ZNF823: variants seen among roughly 807,000 people sequenced by gnomAD.
ZNF823 encodes ZFP 36 for a zinc finger protein.
ZNF823 carries 5 observed loss-of-function variants against 11.4 expected under a neutral mutation model. That is an observed-to-expected ratio of 0.44 (90% CI 0.23 to 0.92). The LOEUF is 0.92. Among genes scored for constraint, ZNF823 ranks in the 40% least tolerant of loss-of-function variants. ZNF823 has a pLI of 0.24. For missense variants in ZNF823, 582 were observed against 738.5 expected (o/e 0.79, Z 2.46); for synonymous variants, 234 against 250.5 (o/e 0.93, Z 0.62).
chr19:11,724,555 C>CTTTTTT (rs751508496), intron 2 of ZNF823, among the ~76,000 whole-genome samples: 3 of 126,102 alleles, frequency 2.4e-5, no homozygotes, highest in African/African-American at 3.1e-5. Flanking sequence ...AGTTTCTCAT[C>CTTTTTT]TTTTTTTTTT....
Position 11,728,586 on chromosome 19 carries a change from A to T in ZNF823, c.4-3259T>A, listed in dbSNP as rs144711107. ...CCCAAAGCCAGTATAGCATTATTTG[A>T]AACTGAAGGTCCATTAGTTATAAAT... On this transcript the variant is annotated intron_variant, in intron 1 of 3. Coordinates refer to ENST00000341191, the MANE Select transcript of ZNF823 (RefSeq NM_001080493.4). Among the ~76,000 whole-genome samples, 868 of 152,328 alleles carry T rather than the reference A, an allele frequency of 5.7e-3. 13 individuals carry two copies. The highest frequency in any genetic ancestry group is 0.019 in the African/African-American group (810 of 41,574).
intron 1 of ZNF823, among the ~76,000 whole-genome samples, chr19:11,732,947 T>A (rs1974928894): frequency 6.6e-6 from 1 of 152,230 alleles, no homozygotes; most frequent in Admixed American, 6.5e-5. Flanking sequence ...AGTTACCTAG[T>A]GACCTCATGC....
At chr19:11,726,337 C>T (rs1974793841) in intron 1 of ZNF823, among the ~76,000 whole-genome samples, 1 of 128,034 alleles carries the variant, frequency 7.8e-6, no homozygotes. Flanking sequence ...CTCCTATTCC[C>T]CCTCTGAGAG....
intron 1 of ZNF823, among the ~76,000 whole-genome samples, chr19:11,738,501 G>C (rs1033888619): frequency 6.6e-6 from 1 of 152,216 alleles, no homozygotes; most frequent in Non-Finnish European, 1.5e-5. Flanking sequence ...GCAGTGACTC[G>C]GGCCGTGAAC....
At chr19:11,724,282 A>G (rs1974749266) in intron 2 of ZNF823, 28 bp from the exon 3 acceptor site, 3 of 1,575,420 alleles carry the variant, frequency 1.9e-6, no homozygotes, top group Admixed American at 2.0e-5. Context: ...GAAAATCACT[A>G]AAAATGTTTA....
At chr19:11,733,345 G>A (rs561733105) in intron 1 of ZNF823, among the ~76,000 whole-genome samples, 2 of 128,954 alleles carry the variant, frequency 1.6e-5, no homozygotes, top group East Asian at 2.4e-4. Context: ...CCAGCCTAGC[G>A]ACAGAGTGAG....
chr19:11,733,408 A>T (rs1360647212), intron 1 of ZNF823, among the ~76,000 whole-genome samples: 1 of 151,808 alleles, frequency 6.6e-6, no homozygotes, highest in Non-Finnish European at 1.5e-5. Context: ...ACAATGACCA[A>T]ATATGTTTTA....
Position 11,721,685 on chromosome 19 carries a change from C to T in ZNF823, c.*16G>A, listed in dbSNP as rs1974680036. 1 of 1,576,882 alleles carries T rather than the reference C, an allele frequency of 6.3e-7. No individual in the cohort carries two copies. The highest frequency in any genetic ancestry group is 1.4e-5 in the African/African-American group (1 of 73,550). ...CTGAAATTAAAGTACTGAATGTTTT[C>T]CCACATTCCATACATTTAGAGAGTA... On this transcript the variant is annotated 3_prime_UTR_variant, in exon 4 of 4. Transcript: ENST00000341191.
intron 2 of ZNF823, among the ~76,000 whole-genome samples, chr19:11,724,923 C>G (rs1974763589): frequency 6.6e-6 from 1 of 152,100 alleles, no homozygotes; most frequent in Admixed American, 6.6e-5. Flanking sequence ...TGTGACAGTA[C>G]AGTATGTAAT....
intron 1 of ZNF823, among the ~76,000 whole-genome samples, chr19:11,735,710 C>G (rs1267323902): frequency 6.6e-6 from 1 of 152,050 alleles, no homozygotes; most frequent in Non-Finnish European, 1.5e-5. Flanking sequence ...AGGCTACTCA[C>G]TTACCCTTAC....
chr19:11,728,943 C>T (rs1249754014), intron 1 of ZNF823, among the ~76,000 whole-genome samples: 6 of 152,082 alleles, frequency 3.9e-5, no homozygotes, highest in Admixed American at 2.0e-4. Flanking sequence ...AATGCTGAGG[C>T]GGGCACATTG....
At chr19:11,731,226 C>T (rs1442482336) in intron 1 of ZNF823, among the ~76,000 whole-genome samples, 3 of 151,896 alleles carry the variant, frequency 2.0e-5, no homozygotes, top group Non-Finnish European at 2.9e-5. Flanking sequence ...GCAGGAGAAT[C>T]GCTTGAACCC....
intron 1 of ZNF823, among the ~76,000 whole-genome samples, chr19:11,729,159 A>G (rs1974848784): frequency 6.7e-6 from 1 of 148,272 alleles, no homozygotes; most frequent in Admixed American, 6.8e-5. Context: ...TGGGCAACAG[A>G]GCAAGACTCT....
rs1291193779 is a variant in ZNF823 at position 11,721,936 on chromosome 19, C to T, written c.1598G>A (p.Gly533Glu). The T allele has an allele frequency of 6.2e-7, 1 of 1,613,962 alleles. No homozygotes were observed. Among genetic ancestry groups the T allele is most frequent in the Admixed American group, 1.7e-5 (1 of 59,984 alleles). Residue 533 changes from glycine to glutamate, a missense_variant, in exon 4 of 4, where the codon GGA becomes GAA. Around this residue, in one of 3 missense-constraint regions of ZNF823, gnomAD observed 144 missense variants for 154.3 expected, o/e 0.93. Transcript: ENST00000341191. Reference protein sequence around the residue: ...GEKPYECKECGKAFSWLTCLL... With the variant: ...GEKPYECKECEKAFSWLTCLL... Reference sequence around the variant, plus strand: ...GCAAGTGAGCCAAGAGAATGCTTTTCCACATTCCTTACATTCATATGGCTT... The same window carrying T: ...GCAAGTGAGCCAAGAGAATGCTTTTTCACATTCCTTACATTCATATGGCTT...
Position 11,738,915 on chromosome 19 carries a change from T to C in ZNF823, c.-96A>G. ...ACAGACCTTCCAGGGCGTCTCTCTCTCAGCGCCAGAGCCAGGACTCAGAGC... is the reference window on the plus strand; with the variant it reads ...ACAGACCTTCCAGGGCGTCTCTCTCCCAGCGCCAGAGCCAGGACTCAGAGC... On this transcript the variant is annotated 5_prime_UTR_variant, in exon 1 of 4. Coordinates refer to ENST00000341191, the MANE Select transcript of ZNF823 (RefSeq NM_001080493.4). 2.7e-6 allele frequency: 4 copies of C among 1,477,376 alleles called. No homozygotes were observed. The highest frequency in any genetic ancestry group is 3.6e-6 in the Non-Finnish European group (4 of 1,102,018). 91.5% of individuals were successfully genotyped at this position (1,477,376 alleles called of 1,614,324 possible).
At chr19:11,731,704 C>A (rs1349837837) in intron 1 of ZNF823, among the ~76,000 whole-genome samples, 1 of 152,186 alleles carries the variant, frequency 6.6e-6, no homozygotes, top group African/African-American at 2.4e-5. Context: ...ACAGCACCAT[C>A]CTCTGGTTCA....
intron 1 of ZNF823, among the ~76,000 whole-genome samples, chr19:11,731,660 G>A (rs1487847776): frequency 6.6e-6 from 1 of 152,076 alleles, no homozygotes; most frequent in Non-Finnish European, 1.5e-5. Context: ...TAAGCCCCAG[G>A]AACTAACCTT....
At chr19:11,727,286 G>C (rs780663582) in intron 1 of ZNF823, among the ~76,000 whole-genome samples, 20 of 151,940 alleles carry the variant, frequency 1.3e-4, no homozygotes, top group Non-Finnish European at 2.6e-4. Flanking sequence ...CTAGGGGGGC[G>C]GATCAAAAGG....
chr19:11,738,029 CTCA>C (rs1170189093), intron 1 of ZNF823, among the ~76,000 whole-genome samples: 1 of 152,206 alleles, frequency 6.6e-6, no homozygotes, highest in East Asian at 1.9e-4. Flanking sequence ...GTGCAGCGTC[CTCA>C]CCGGGTTCAC....
Sources: gnomAD v4.1 joint callset for allele counts (sites outside exome capture counted in the v4.1 genomes callset) on GRCh38, gnomAD v4.1.1 for gene constraint, gnomAD v4.1.1 regional missense constraint, MANE v1.5 for transcripts, NCBI Gene and HGNC (gene_info 2026-07-23, HGNC 2026-07-21) for gene names.